The following TMOD2 variants were observed in gnomAD, a reference collection of about 807,000 sequenced individuals.
The protein encoded by TMOD2 is tropomodulin 2.
TMOD2 carries 22 observed loss-of-function variants against 39.9 expected under a neutral mutation model. That is an observed-to-expected ratio of 0.55 (90% CI 0.39 to 0.79). The LOEUF (loss-of-function observed/expected upper bound fraction) is 0.79, where lower values mean the gene tolerates loss of function less well. Among genes scored for constraint, TMOD2 ranks in the 30% least tolerant of loss-of-function variants. TMOD2 has a pLI of 0.00. For missense variants in TMOD2, 386 were observed against 413.3 expected (o/e 0.93, Z 0.57); for synonymous variants, 123 against 146.1 (o/e 0.84, Z 1.14).
chr15:51,805,730 G>A (rs2056117701), intron 8 of TMOD2, among the ~76,000 whole-genome samples: 1 of 151,834 alleles, frequency 6.6e-6, no homozygotes, highest in African/African-American at 2.4e-5. Flanking sequence ...TGTATGCCTG[G>A]GTCATAATAT....
At chr15:51,787,471 C>T (rs1185574238) in intron 7 of TMOD2, among the ~76,000 whole-genome samples, 1 of 152,246 alleles carries the variant, frequency 6.6e-6, no homozygotes, top group African/African-American at 2.4e-5. Context: ...CTTAAATGTC[C>T]CTGCCTGACA....
intron 1 of TMOD2, among the ~76,000 whole-genome samples, chr15:51,761,134 A>G (rs956458086): frequency 6.6e-6 from 1 of 152,230 alleles, no homozygotes; most frequent in East Asian, 1.9e-4. Context: ...AAATGATCCA[A>G]TTATAGTGTT....
intron 8 of TMOD2, among the ~76,000 whole-genome samples, chr15:51,802,467 G>T (rs1313634533): frequency 6.6e-6 from 1 of 152,222 alleles, no homozygotes; most frequent in African/African-American, 2.4e-5. Flanking sequence ...AAACAAAGCA[G>T]CTGTAAGGAT....
intron 7 of TMOD2, chr15:51,783,479 CA>C (rs11345202): frequency 0.84 from 120,939 of 144,546 alleles, 50,736 homozygotes; most frequent in African/African-American, 0.87. Flanking sequence ...GACTCTGTCT[CA>C]AAAAAAAAAA....
chr15:51,770,423 CT>C (rs1024630710), intron 3 of TMOD2, among the ~76,000 whole-genome samples: 1 of 151,970 alleles, frequency 6.6e-6, no homozygotes, highest in East Asian at 1.9e-4. Flanking sequence ...GTGATAGGGT[CT>C]TTTTTTTATC....
chr15:51,799,203 T>C (rs1171387452), intron 8 of TMOD2, among the ~76,000 whole-genome samples: 1 of 152,052 alleles, frequency 6.6e-6, no homozygotes, highest in African/African-American at 2.4e-5. Flanking sequence ...AGAAAGGGCC[T>C]TGGAAAGGAG....
At chr15:51,759,580 A>G (rs1254598053) in intron 1 of TMOD2, among the ~76,000 whole-genome samples, 2 of 152,182 alleles carry the variant, frequency 1.3e-5, no homozygotes, top group African/African-American at 4.8e-5. Flanking sequence ...AAAACCATCT[A>G]TGTTGCTGGA....
intron 8 of TMOD2, among the ~76,000 whole-genome samples, chr15:51,800,125 T>G (rs77338999): frequency 1.0e-3 from 154 of 152,384 alleles, no homozygotes; most frequent in African/African-American, 3.7e-3. Flanking sequence ...AAAGTCAAAC[T>G]TAACTGGGTG....
Position 51,809,618 on chromosome 15 carries a change from G to C in TMOD2, c.*1164G>C, listed in dbSNP as rs1595881867. On this transcript the variant is annotated 3_prime_UTR_variant, in exon 10 of 10. Transcript: ENST00000249700. ...AAAAATGCAGTGCTAAACTAATGAA[G>C]CAGGTGACTGCAGCCTTTGGCTCAA... The C allele has an allele frequency of 6.6e-6, 1 of 152,322 alleles. No individual in the cohort carries two copies. Among genetic ancestry groups the C allele is most frequent in the East Asian group, 1.9e-4 (1 of 5,184 alleles). 9.4% of individuals were successfully genotyped at this position (152,322 alleles called of 1,614,324 possible).
rs2056140087 is a variant in TMOD2, at chr15:51,809,183, AT to A, written c.*730del. 6.6e-6 allele frequency: 1 copy of A among 152,658 alleles called. No individual in the cohort carries two copies. The highest frequency in any genetic ancestry group is 1.5e-5 in the Non-Finnish European group (1 of 68,044). 9.5% of individuals were successfully genotyped at this position (152,658 alleles called of 1,614,324 possible). A position where few individuals can be genotyped will look rare whatever the true frequency, so the allele number is the denominator to read the frequency against. Reference sequence around the variant, plus strand: ...ATTCAACATAAATTGAATCTTTAACATGACTTTAAAGGCTATTTACAAAGCT... The same window carrying A: ...ATTCAACATAAATTGAATCTTTAACAGACTTTAAAGGCTATTTACAAAGCT... On this transcript the variant is annotated 3_prime_UTR_variant, in exon 10 of 10. Transcript: ENST00000249700.
At chr15:51,798,578 C>A (rs1284477846) in intron 8 of TMOD2, among the ~76,000 whole-genome samples, 1 of 152,196 alleles carries the variant, frequency 6.6e-6, no homozygotes, top group Non-Finnish European at 1.5e-5. Context: ...TATCCCACAA[C>A]CCTAGGCTAG....
At chr15:51,758,079 CTAATAA>C (rs145435018) in intron 1 of TMOD2, among the ~76,000 whole-genome samples, 17 of 149,740 alleles carry the variant, frequency 1.1e-4, no homozygotes, top group Middle Eastern at 3.4e-3. Flanking sequence ...GACCCTATTT[CTAATAA>C]TAATAATAAT....
At chr15:51,788,526 C>T (rs2055986655) in intron 7 of TMOD2, among the ~76,000 whole-genome samples, 1 of 152,098 alleles carries the variant, frequency 6.6e-6, no homozygotes, top group Non-Finnish European at 1.5e-5. Context: ...CAGAGAACAC[C>T]ACAAAGATAC....
At chr15:51,754,516 A>G (rs4365237) in intron 1 of TMOD2, among the ~76,000 whole-genome samples, 61,530 of 152,006 alleles carry the variant, frequency 0.4, 12,602 homozygotes, top group Middle Eastern at 0.45. Context: ...TCTTACACGG[A>G]ATCCCTTGCT....
intron 7 of TMOD2, among the ~76,000 whole-genome samples, chr15:51,785,169 T>A (rs1417936071): frequency 6.6e-6 from 1 of 151,938 alleles, no homozygotes; most frequent in Non-Finnish European, 1.5e-5. Context: ...TCCCAGCACT[T>A]TGGGAGGCCG....
intron 7 of TMOD2, among the ~76,000 whole-genome samples, chr15:51,788,122 G>A (rs1390385567): frequency 6.6e-6 from 1 of 152,184 alleles, no homozygotes; most frequent in Non-Finnish European, 1.5e-5. Flanking sequence ...TGGCTAAATA[G>A]AATAACCAGT....
intron 7 of TMOD2, among the ~76,000 whole-genome samples, chr15:51,797,240 C>T (rs987083262): frequency 4.6e-5 from 7 of 152,128 alleles, no homozygotes; most frequent in African/African-American, 1.7e-4. Context: ...CCTCTGTTTC[C>T]GCACTGCTTC....
In TMOD2 at chr15:51,798,228, C is replaced by T. The variant is rs1288475790; in HGVS notation, c.764C>T (p.Thr255Ile). The T allele has an allele frequency of 6.2e-7, 1 of 1,611,458 alleles. No homozygotes were observed. The highest frequency in any genetic ancestry group is 1.7e-5 in the Admixed American group (1 of 59,430). Reference sequence around the variant, plus strand: ...GCAGACATGCTGAAAGTAAACAAGACCTTGACAAGTCTAAACATAGAATCC... The same window carrying T: ...GCAGACATGCTGAAAGTAAACAAGATCTTGACAAGTCTAAACATAGAATCC... ...AFADMLKVNK[T>I]LTSLNIESNF... The change falls in exon 8 of 10, where the codon ACC becomes ATC. Residue 255 changes from threonine to isoleucine, a missense_variant. Transcript: ENST00000249700.
chr15:51,782,821 T>C lies in TMOD2; in HGVS notation c.725T>C (p.Val242Ala). ...SLAATRSNDP[V>A]AIAFADMLKV... is the part of the protein sequence containing the mutation. ...GCCGCAACTCGCAGCAATGACCCTGTGGCCATTGTGAGTAAAATTCTTAGA... is the reference window on the plus strand; with the variant it reads ...GCCGCAACTCGCAGCAATGACCCTGCGGCCATTGTGAGTAAAATTCTTAGA... The change falls in exon 7 of 10, where the codon GTG (valine) becomes GCG (alanine). Residue 242 changes from valine (V) to alanine (A), a missense_variant. Physicochemically the swap from Val to Ala is moderately conservative, Grantham distance 64. Coordinates refer to ENST00000249700, the MANE Select transcript of TMOD2 (RefSeq NM_014548.4). The C allele has an allele frequency of 6.2e-7, 1 of 1,613,236 alleles. No individual in the cohort carries two copies. The highest frequency in any genetic ancestry group is 8.5e-7 in the Non-Finnish European group (1 of 1,179,346).
Sources: allele counts gnomAD v4.1 joint callset (sites outside exome capture counted in the v4.1 genomes callset), GRCh38; gene constraint gnomAD v4.1.1; transcripts MANE v1.5; gene names NCBI Gene and HGNC (gene_info 2026-07-23, HGNC 2026-07-21).